GINM1: variants seen among roughly 807,000 people sequenced by gnomAD.
The protein encoded by GINM1 is glycoprotein integral membrane protein 1.
In GINM1, 29 loss-of-function variants were observed where a neutral mutation model predicts 37.8. The ratio of observed to expected loss-of-function variants is 0.77; its 90% CI spans 0.57 to 1.05. The LOEUF (loss-of-function observed/expected upper bound fraction) is 1.05. Among genes scored for constraint, GINM1 ranks in the 50% least tolerant of loss-of-function variants. The pLI, the probability that GINM1 is intolerant of heterozygous loss-of-function variation, is 0.00. For missense variants in GINM1, 377 were observed against 397.9 expected (o/e 0.95, Z 0.45); for synonymous variants, 143 against 146.2 (o/e 0.98, Z 0.16).
chr6:149,580,550 A>G (rs1486631068), intron 5 of GINM1, 43 bp from the exon 6 acceptor site: 1 of 1,576,672 alleles, frequency 6.3e-7, no homozygotes, highest in East Asian at 2.3e-5. Flanking sequence ...CTAGTAGGAT[A>G]AGACACCAGC....
rs995793619 is a variant in GINM1 at position 149,588,454 on chromosome 6, T to A, written c.882-2273T>A. Among the ~76,000 whole-genome samples, 3 of 152,244 alleles carry A rather than the reference T, an allele frequency of 2.0e-5. No individual in the cohort carries two copies. In the East Asian group the frequency reaches 5.8e-4, roughly 29 times the overall value. ...TAATGCACATTGCAGATTTTTTTAC[T>A]AATCCCAGCCTATCGTTTGTCTTTT... On this transcript the variant is annotated intron_variant, in intron 7 of 7. Coordinates refer to ENST00000367419, the MANE Select transcript of GINM1 (RefSeq NM_138785.5).
At chr6:149,582,084 C>T (rs1328441251) in intron 6 of GINM1, 1 of 475,982 alleles carries the variant, frequency 2.1e-6, no homozygotes, top group Non-Finnish European at 4.3e-6. Context: ...TGACTCTGCT[C>T]CATTTCGTTT....
At chr6:149,579,633 G>A (rs190515428) in intron 4 of GINM1, among the ~76,000 whole-genome samples, 132 of 151,722 alleles carry the variant, frequency 8.7e-4, no homozygotes, top group Non-Finnish European at 1.0e-3. Context: ...CGGAGGTTGC[G>A]GCAAGCTGAG....
intron 7 of GINM1, among the ~76,000 whole-genome samples, chr6:149,583,553 C>T (rs866896278): frequency 2.7e-5 from 4 of 150,866 alleles, no homozygotes; most frequent in South Asian, 2.1e-4. Flanking sequence ...CGCTTGAACC[C>T]GGAAGGCGGA....
intron 7 of GINM1, among the ~76,000 whole-genome samples, chr6:149,589,989 G>A (rs1355527055): frequency 2.0e-5 from 3 of 152,124 alleles, no homozygotes; most frequent in Admixed American, 2.0e-4. Context: ...TTTTAGTAGA[G>A]ATGGGGTTTT....
intron 7 of GINM1, among the ~76,000 whole-genome samples, chr6:149,588,773 A>G (rs905745899): frequency 6.6e-5 from 10 of 151,598 alleles, no homozygotes; most frequent in Non-Finnish European, 1.5e-4. Context: ...GACTACAGGC[A>G]CTTGCCACCC....
At chr6:149,569,775 A>T (rs749239244) in intron 1 of GINM1, among the ~76,000 whole-genome samples, 2 of 152,170 alleles carry the variant, frequency 1.3e-5, no homozygotes, top group Admixed American at 6.5e-5. Flanking sequence ...CCAGCTGTCT[A>T]TTACCTTTAT....
intron 7 of GINM1, among the ~76,000 whole-genome samples, chr6:149,587,935 G>A (rs1336096069): frequency 6.6e-6 from 1 of 152,188 alleles, no homozygotes; most frequent in African/African-American, 2.4e-5. Context: ...CCACTTTGGA[G>A]ATTTAAGGAT....
chr6:149,567,488 A>G (rs1048212311), intron 1 of GINM1, among the ~76,000 whole-genome samples: 1 of 152,174 alleles, frequency 6.6e-6, no homozygotes, highest in Non-Finnish European at 1.5e-5. Flanking sequence ...TAAAAATAGA[A>G]AAATTAGCTG....
At chr6:149,584,768 AATAT>A (rs1444016878) in intron 7 of GINM1, among the ~76,000 whole-genome samples, 1 of 150,302 alleles carries the variant, frequency 6.7e-6, no homozygotes, top group African/African-American at 2.4e-5. Context: ...CATATATGGA[AATAT>A]ATATATAATA....
At chr6:149,581,673 T>C (rs1001418038) in intron 6 of GINM1, among the ~76,000 whole-genome samples, 1 of 152,256 alleles carries the variant, frequency 6.6e-6, no homozygotes, top group African/African-American at 2.4e-5. Context: ...GTGACATTTA[T>C]ACTGCTTACC....
intron 1 of GINM1, among the ~76,000 whole-genome samples, chr6:149,571,648 T>C (rs916746179): frequency 1.3e-4 from 20 of 152,122 alleles, no homozygotes; most frequent in African/African-American, 4.8e-4. Flanking sequence ...AGGGCAATCA[T>C]GCAGAGCCTG....
chr6:149,589,342 T>G (rs1778119043), intron 7 of GINM1, among the ~76,000 whole-genome samples: 2 of 152,156 alleles, frequency 1.3e-5, no homozygotes, highest in African/African-American at 4.8e-5. Flanking sequence ...GCACAATCTC[T>G]GCTCACTGCA....
At chr6:149,572,957 T>C (rs942675333) in intron 3 of GINM1, among the ~76,000 whole-genome samples, 3 of 152,214 alleles carry the variant, frequency 2.0e-5, no homozygotes, top group Admixed American at 1.3e-4. Context: ...TGAGCCCCTG[T>C]GCCTGGCCTG....
intron 1 of GINM1, among the ~76,000 whole-genome samples, chr6:149,570,723 G>C (rs1777806468): frequency 6.6e-6 from 1 of 152,096 alleles, no homozygotes; most frequent in Non-Finnish European, 1.5e-5. Flanking sequence ...TGATGTTTAT[G>C]AACAGTTTTC....
At chr6:149,571,715 A>G (rs1777824917) in intron 1 of GINM1, among the ~76,000 whole-genome samples, 1 of 152,162 alleles carries the variant, frequency 6.6e-6, no homozygotes, top group African/African-American at 2.4e-5. Flanking sequence ...AGGAGTGCTC[A>G]TCTTTTAAAC....
rs763543253 is a variant in GINM1, at chr6:149,590,749, G to A, written c.904G>A (p.Val302Met). 2 of 1,577,346 alleles carry A rather than the reference G, an allele frequency of 1.3e-6. No individual in the cohort carries two copies. Among genetic ancestry groups the A allele is most frequent in the African/African-American group, 1.3e-5 (1 of 74,216 alleles). The change falls in exon 8 of 8, where the codon GTG becomes ATG. Residue 302 changes from valine (V) to methionine (M), a missense_variant. By Grantham distance (21) the Val-to-Met change is conservative. Coordinates refer to ENST00000367419, the MANE Select transcript of GINM1 (RefSeq NM_138785.5). ...EYKGILQLDK[V>M]DVIPVTAINL... ...CAGAGGAATTCTTCAGTTGGATAAA[G>A]TGGACGTCATACCTGTGACAGCTAT... is the stretch of plus-strand genomic sequence containing the variant.
rs761828223 is a variant in GINM1, at chr6:149,572,495, CTTTAT to C, written c.181-7_181-3del. 1 of 1,493,082 alleles carries C rather than the reference CTTTAT, an allele frequency of 6.7e-7. No individual in the cohort carries two copies. Among genetic ancestry groups the C allele is most frequent in the Non-Finnish European group, 9.2e-7 (1 of 1,086,276 alleles). The allele number at this position is 1,493,082 out of a possible 1,614,324, so 92.5% of individuals were successfully genotyped here. On this transcript the variant is annotated splice_region_variant and splice_polypyrimidine_tract_variant and intron_variant, in intron 2 of 7. Transcript: ENST00000367419. ...AATATTGGAATTAATGTATATGCTG[CTTTAT>C]TTTAAGGTTGTTCTTAACATAACCT...
At chr6:149,580,778 C>A (rs1486084178) in intron 6 of GINM1, 55 bp downstream of exon 6, 3 of 1,500,818 alleles carry the variant, frequency 2.0e-6, no homozygotes, top group South Asian at 2.3e-5. Context: ...TGAAGAAAAT[C>A]GACCCTAGCA....
Sources: gnomAD v4.1 joint callset for allele counts (sites outside exome capture counted in the v4.1 genomes callset) on GRCh38, gnomAD v4.1.1 for gene constraint, MANE v1.5 for transcripts, NCBI Gene and HGNC (gene_info 2026-07-23, HGNC 2026-07-21) for gene names.